LIPK: variants seen among roughly 807,000 people sequenced by gnomAD.
LIPK encodes lipase family member K.
LIPK carries 32 observed loss-of-function variants against 48.6 expected under a neutral mutation model. The observed-to-expected ratio is 0.66, with a 90% CI of 0.50 to 0.88. The LOEUF is 0.88. Among genes scored for constraint, LIPK ranks in the 40% least tolerant of loss-of-function variants. LIPK has a pLI of 0.00. For missense variants in LIPK, 507 were observed against 478.5 expected, an observed-to-expected ratio of 1.06 and a Z score of -0.56; for synonymous variants, 164 against 157.4, an observed-to-expected ratio of 1.04 and a Z score of -0.32.
In LIPK at chr10:88,752,019, C is replaced by G. The variant is rs529724618; in HGVS notation, c.961-498C>G. On this transcript the variant is annotated intron_variant, in intron 9 of 9. Coordinates refer to ENST00000404190, the MANE Select transcript of LIPK (RefSeq NM_001080518.2). ...GAGTTTATAGAGTGCTATAGCCACT[C>G]TAGTTATTTGTAACAGACTGACTCC... Among the ~76,000 whole-genome samples, 5 of 152,258 alleles carry G rather than the reference C, an allele frequency of 3.3e-5. No homozygotes were observed. In the East Asian group the frequency reaches 7.7e-4, roughly 24 times the overall value.
chr10:88,752,420 A>G, intron 9 of LIPK, 97 bp from the exon 10 acceptor site: 4 of 804,368 alleles, frequency 5.0e-6, no homozygotes, highest in Non-Finnish European at 7.9e-6. Flanking sequence ...GTACACTTGT[A>G]GCATTTAAAG....
chr10:88,724,532 G>C lies in LIPK; in HGVS notation c.-11-1G>C. 9 of 1,564,918 alleles carry C rather than the reference G, an allele frequency of 5.8e-6. No individual in the cohort carries two copies. The highest frequency in any genetic ancestry group is 7.0e-6 in the Non-Finnish European group (8 of 1,146,138). ...CAAATATATTAAATTTCCTTTCCTAGGCAGATCCCAAATGTGGCAGCTTTT... is the reference window on the plus strand; with the variant it reads ...CAAATATATTAAATTTCCTTTCCTACGCAGATCCCAAATGTGGCAGCTTTT... On this transcript the variant is annotated splice_acceptor_variant, in intron 1 of 9. Coordinates refer to ENST00000404190, the MANE Select transcript of LIPK (RefSeq NM_001080518.2). LOFTEE classifies it low-confidence loss of function (5UTR_SPLICE).
At chr10:88,715,419 C>A (rs548723299) in intron 1 of LIPK, among the ~76,000 whole-genome samples, 1 of 152,208 alleles carries the variant, frequency 6.6e-6, no homozygotes, top group South Asian at 2.1e-4. Flanking sequence ...TGATAATGTT[C>A]ATTGTCTTGA....
chr10:88,715,279 C>T (rs896673899), intron 1 of LIPK, among the ~76,000 whole-genome samples: 4 of 152,088 alleles, frequency 2.6e-5, no homozygotes, highest in African/African-American at 7.2e-5. Context: ...GTATCTCTAT[C>T]AGTTTGATCT....
intron 8 of LIPK, among the ~76,000 whole-genome samples, chr10:88,742,882 T>C (rs1842704598): frequency 6.6e-6 from 1 of 152,244 alleles, no homozygotes; most frequent in East Asian, 1.9e-4. Context: ...AAGAAATGTA[T>C]AGCTAATGCC....
At chr10:88,732,314 G>A in intron 5 of LIPK, 27 bp downstream of exon 5, 10 of 1,600,024 alleles carry the variant, frequency 6.2e-6, no homozygotes, top group Non-Finnish European at 8.5e-6. Context: ...TGTGATCAGA[G>A]AATGTCAGGG....
chr10:88,751,776 G>A (rs1049783531), intron 9 of LIPK, among the ~76,000 whole-genome samples: 1 of 151,958 alleles, frequency 6.6e-6, no homozygotes, highest in African/African-American at 2.4e-5. Context: ...TTTTCCAAAG[G>A]CCCCCTAACC....
intron 3 of LIPK, among the ~76,000 whole-genome samples, chr10:88,729,107 C>CA (rs1158509351): frequency 2.6e-5 from 4 of 151,578 alleles, no homozygotes; most frequent in African/African-American, 9.7e-5. Flanking sequence ...GCTGAAAAAA[C>CA]AAGTCTATTT....
chr10:88,747,420 C>T (rs1302542181), intron 9 of LIPK, among the ~76,000 whole-genome samples: 2 of 152,114 alleles, frequency 1.3e-5, no homozygotes, highest in African/African-American at 4.8e-5. Flanking sequence ...TAGTCCACAA[C>T]AATCAAGTAG....
chr10:88,715,292 T>C (rs1432600917), intron 1 of LIPK, among the ~76,000 whole-genome samples: 1 of 152,180 alleles, frequency 6.6e-6, no homozygotes, highest in Non-Finnish European at 1.5e-5. Context: ...TTTGATCTTC[T>C]CATATTCTGA....
intron 1 of LIPK, among the ~76,000 whole-genome samples, chr10:88,716,883 A>G (rs1400645807): frequency 6.6e-6 from 1 of 151,864 alleles, no homozygotes; most frequent in Non-Finnish European, 1.5e-5. Context: ...TTTTTTTCTC[A>G]CCTAGGGAAT....
chr10:88,721,331 C>T (rs1188041788), intron 1 of LIPK, among the ~76,000 whole-genome samples: 2 of 152,154 alleles, frequency 1.3e-5, no homozygotes, highest in African/African-American at 4.8e-5. Context: ...AGCACCCTTA[C>T]CCAACAATTA....
chr10:88,713,138 T>C (rs1015137803), intron 1 of LIPK, among the ~76,000 whole-genome samples: 4 of 152,204 alleles, frequency 2.6e-5, no homozygotes, highest in African/African-American at 9.6e-5. Context: ...AATATCGCTA[T>C]AGCAATTTCT....
At chr10:88,720,504 T>C (rs1842201671) in intron 1 of LIPK, among the ~76,000 whole-genome samples, 1 of 152,124 alleles carries the variant, frequency 6.6e-6, no homozygotes, top group African/African-American at 2.4e-5. Context: ...CCTGCACATC[T>C]ACCCCTGAAT....
rs754415501 is a variant in LIPK at position 88,743,307 on chromosome 10, A to G, written c.946A>G (p.Met316Val). 5 of 1,590,520 alleles carry G rather than the reference A, an allele frequency of 3.1e-6. No individual in the cohort carries two copies. The highest frequency in any genetic ancestry group is 2.3e-5 in the South Asian group (2 of 87,700). Reference sequence around the variant, plus strand: ...TTGGGGAAACTCTGATCAGAACATGATGCACTTCCATCAGGTACAAAAATA... The same window carrying G: ...TTGGGGAAACTCTGATCAGAACATGGTGCACTTCCATCAGGTACAAAAATA... The part of the protein sequence containing the change: ...FDWGNSDQNM[M>V]HFHQLTPPLY... Residue 316 changes from methionine (M) to valine (V), a missense_variant, in exon 9 of 10, where the codon ATG (methionine) becomes GTG (valine). Physicochemically the swap from Met to Val is conservative, Grantham distance 21 (BLOSUM62 1). Coordinates refer to ENST00000404190, the MANE Select transcript of LIPK (RefSeq NM_001080518.2).
intron 1 of LIPK, among the ~76,000 whole-genome samples, chr10:88,722,717 T>G (rs1793851923): frequency 6.6e-6 from 1 of 152,124 alleles, no homozygotes; most frequent in Non-Finnish European, 1.5e-5. Flanking sequence ...AAGAGCACAG[T>G]CTTCATTTGC....
intron 3 of LIPK, chr10:88,727,545 T>C (rs747556940): frequency 2.9e-4 from 47 of 159,810 alleles, no homozygotes; most frequent in Non-Finnish European, 4.2e-4. Context: ...GCCTCCACCA[T>C]GTCCATCAGG....
At chr10:88,733,864 A>C (rs556084825) in intron 6 of LIPK, among the ~76,000 whole-genome samples, 2 of 152,330 alleles carry the variant, frequency 1.3e-5, no homozygotes, top group Middle Eastern at 3.4e-3. Context: ...TATGTCTACA[A>C]GGAAACTTTC....
intron 9 of LIPK, among the ~76,000 whole-genome samples, chr10:88,751,085 G>A (rs1374597321): frequency 6.6e-6 from 1 of 152,072 alleles, no homozygotes. Flanking sequence ...TCATTTTTAG[G>A]AGGTAGTAGT....
Sources: allele counts gnomAD v4.1 joint callset (sites outside exome capture counted in the v4.1 genomes callset), GRCh38; gene constraint gnomAD v4.1.1; transcripts MANE v1.5; gene names NCBI Gene and HGNC (gene_info 2026-07-23, HGNC 2026-07-21).